Variants in AXL observed in about 807,000 individuals in gnomAD.
AXL encodes the protein AXL receptor tyrosine kinase.
A neutral mutation model predicts 104.5 loss-of-function variants in AXL; 52 were observed. The ratio of observed to expected loss-of-function variants is 0.50; its 90% CI spans 0.40 to 0.63. The LOEUF (loss-of-function observed/expected upper bound fraction) is 0.63. Among genes scored for constraint, AXL ranks in the 20% least tolerant of loss-of-function variants. The pLI, the probability that AXL is intolerant of heterozygous loss-of-function variation, is 0.00. For synonymous variants in AXL, 455 were observed against 473.7 expected, an observed-to-expected ratio of 0.96 and a Z score of 0.51; for missense variants, 1,024 against 1,188.5, an observed-to-expected ratio of 0.86 and a Z score of 2.04.
chr19:41,221,643 T>A, intron 3 of AXL: 1 of 548,940 alleles, frequency 1.8e-6, no homozygotes, highest in South Asian at 2.3e-5. Flanking sequence ...CTGTCAGACA[T>A]TCTGGAAGAG....
intron 14 of AXL, 44 bp from the exon 15 acceptor site, chr19:41,252,307 C>T (rs772763333): frequency 6.6e-7 from 1 of 1,517,874 alleles, no homozygotes; most frequent in South Asian, 1.1e-5. Flanking sequence ...GGAGAGTCCT[C>T]CCTCTCCTCC....
chr19:41,235,962 C>T (rs529844815), intron 6 of AXL, among the ~76,000 whole-genome samples: 32 of 151,418 alleles, frequency 2.1e-4, no homozygotes, highest in Non-Finnish European at 3.8e-4. Context: ...TTTGGGAGGC[C>T]GAGGCAGGTG....
rs1311581543 is a variant in AXL, at chr19:41,256,568, T to C, written c.2153T>C (p.Ile718Thr). 7 of 1,613,734 alleles carry C rather than the reference T, an allele frequency of 4.3e-6. No homozygotes were observed. Among genetic ancestry groups the C allele is most frequent in the Non-Finnish European group, 5.9e-6 (7 of 1,179,928 alleles). The change falls in exon 18 of 20, where the codon ATT becomes ACT. Residue 718 changes from isoleucine to threonine, a missense_variant. Coordinates refer to ENST00000301178, the MANE Select transcript of AXL (RefSeq NM_021913.5). ...AAGATGCCAGTCAAGTGGATTGCCATTGAGAGTCTAGCTGACCGTGTCTAC... is the reference window on the plus strand; with the variant it reads ...AAGATGCCAGTCAAGTGGATTGCCACTGAGAGTCTAGCTGACCGTGTCTAC... ...IAKMPVKWIA[I>T]ESLADRVYTS...
rs147096557 is a variant in AXL at position 41,257,683 on chromosome 19, C to T, written c.2333+54C>T. 1.3e-4 allele frequency: 206 copies of T among 1,607,672 alleles called. No individual in the cohort carries two copies. In the African/African-American group the frequency reaches 2.3e-3, roughly 18 times the overall value. On this transcript the variant is annotated intron_variant, in intron 19 of 19. Coordinates refer to ENST00000301178, the MANE Select transcript of AXL (RefSeq NM_021913.5). ...AGAATTCATTCCAAACCCCTGACTA[C>T]CCCCAGATGGCCCTCACAGGTCCAG...
At chr19:41,234,316 T>G (rs2034042984) in intron 6 of AXL, among the ~76,000 whole-genome samples, 1 of 152,134 alleles carries the variant, frequency 6.6e-6, no homozygotes, top group Non-Finnish European at 1.5e-5. Context: ...GGTACATATT[T>G]GGCACTCAAG....
In AXL at chr19:41,238,159, G is replaced by C. The variant is rs769228732; in HGVS notation, c.994+5G>C. 54 of 1,613,852 alleles carry C rather than the reference G, an allele frequency of 3.3e-5. No individual in the cohort carries two copies. The highest frequency in any genetic ancestry group is 4.3e-5 in the Non-Finnish European group (51 of 1,179,956). On this transcript the variant is annotated splice_donor_5th_base_variant and intron_variant, in intron 7 of 19. Transcript: ENST00000301178. ...CTGTGGAGACGCCGGAGGGAGGTAA[G>C]AAGGGTTGGGGAGGGACACGTCACC...
At chr19:41,240,821 T>C (rs756064778) in intron 10 of AXL, among the ~76,000 whole-genome samples, 3 of 152,022 alleles carry the variant, frequency 2.0e-5, no homozygotes, top group Non-Finnish European at 4.4e-5. Flanking sequence ...CTGAAAAACA[T>C]TGTCCACAAC....
chr19:41,227,354 C>A (rs2122211359), intron 4 of AXL, among the ~76,000 whole-genome samples: 1 of 152,246 alleles, frequency 6.6e-6, no homozygotes, highest in East Asian at 1.9e-4. Context: ...TAGATCTTAG[C>A]AACCTCAGTA....
chr19:41,236,654 G>T (rs796311708), intron 6 of AXL, among the ~76,000 whole-genome samples: 1 of 151,850 alleles, frequency 6.6e-6, no homozygotes, highest in Non-Finnish European at 1.5e-5. Context: ...GGTGGTACGC[G>T]TAGTCCCAGC....
At chr19:41,224,874 C>T (rs979663831) in intron 4 of AXL, among the ~76,000 whole-genome samples, 1 of 152,162 alleles carries the variant, frequency 6.6e-6, no homozygotes, top group Non-Finnish European at 1.5e-5. Context: ...CCTCTGAGTA[C>T]ATGACCTAAG....
At position 41,259,701 on chromosome 19, in the gene AXL, G is replaced by A. The variant is rs2122298630; in HGVS notation, c.2482G>A (p.Gly828Arg). 1 of 1,614,118 alleles carries A rather than the reference G, an allele frequency of 6.2e-7. No homozygotes were observed. Among genetic ancestry groups the A allele is most frequent in the Non-Finnish European group, 8.5e-7 (1 of 1,180,010 alleles). ...CCTCTATGTCAACATGGATGAGGGT[G>A]GAGGTTATCCTGAACCCCCTGGAGC... The part of the protein sequence containing the change: ...EILYVNMDEG[G>R]GYPEPPGAAG... Residue 828 changes from glycine to arginine, a missense_variant, in exon 20 of 20, where the codon GGA (glycine) becomes AGA (arginine). Physicochemically the swap from Gly to Arg is moderately radical, Grantham distance 125. This residue lies in a region of AXL where 523 missense variants were observed against 636.0 expected (regional missense o/e 0.82). Transcript: ENST00000301178.
intron 14 of AXL, among the ~76,000 whole-genome samples, chr19:41,249,967 C>A (rs1013521836): frequency 3.9e-5 from 6 of 152,090 alleles, no homozygotes; most frequent in Non-Finnish European, 2.9e-5. Flanking sequence ...TTTCAGGGGC[C>A]GGCCCACTGT....
At chr19:41,254,483 C>T (rs571255243) in intron 17 of AXL, among the ~76,000 whole-genome samples, 5 of 151,060 alleles carry the variant, frequency 3.3e-5, no homozygotes, top group East Asian at 1.9e-4. Flanking sequence ...GCTTGAGCCT[C>T]GAGACCAGCC....
chr19:41,253,611 C>G lies in AXL; in HGVS notation c.1939C>G (p.Gln647Glu), dbSNP rs1568418105. Residue 647 changes from glutamine to glutamate, a missense_variant, in exon 17 of 20, where the codon CAG becomes GAG. By Grantham distance (29) the Gln-to-Glu change is conservative. This residue lies in a region of AXL where 523 missense variants were observed against 636.0 expected (regional missense o/e 0.82). Coordinates refer to ENST00000301178, the MANE Select transcript of AXL (RefSeq NM_021913.5). ...CTTGGCTCCCCAGTACCTGCCCACTCAGATGCTAGTGAAGTTCATGGCAGA... is the reference window on the plus strand; with the variant it reads ...CTTGGCTCCCCAGTACCTGCCCACTGAGATGCTAGTGAAGTTCATGGCAGA... ...LGDQPVYLPT[Q>E]MLVKFMADIA... The G allele has an allele frequency of 1.2e-6, 2 of 1,613,558 alleles. No individual in the cohort carries two copies. Among genetic ancestry groups the G allele is most frequent in the Admixed American group, 1.7e-5 (1 of 59,954 alleles).
At chr19:41,229,520 C>T (rs1242457395) in intron 4 of AXL, among the ~76,000 whole-genome samples, 1 of 152,212 alleles carries the variant, frequency 6.6e-6, no homozygotes, top group Admixed American at 6.5e-5. Context: ...CTGACTCAGC[C>T]TCCCAAAGTG....
chr19:41,219,933 C>A lies in AXL; in HGVS notation c.85+456C>A, dbSNP rs1049901963. Reference sequence around the variant, plus strand: ...CCCTGACCCGCCACTTGTCCCTACCCCACCAGTCCACTCCATCTCTGGGGA... The same window carrying A: ...CCCTGACCCGCCACTTGTCCCTACCACACCAGTCCACTCCATCTCTGGGGA... On this transcript the variant is annotated intron_variant, in intron 1 of 19. Transcript: ENST00000301178. Among the ~76,000 whole-genome samples the A allele has an allele frequency of 2.6e-4, 39 of 152,046 alleles. 1 individual carries two copies. Among genetic ancestry groups the A allele is most frequent in the African/African-American group, 9.2e-4 (38 of 41,454 alleles).
chr19:41,253,857 G>C, intron 17 of AXL, 149 bp downstream of exon 17: 1 of 657,376 alleles, frequency 1.5e-6, no homozygotes, highest in East Asian at 2.7e-5. Context: ...AGGGGGTCTG[G>C]GAAGGCTTCC....
intron 4 of AXL, among the ~76,000 whole-genome samples, chr19:41,222,344 T>C (rs1388870145): frequency 6.6e-6 from 1 of 152,084 alleles, no homozygotes; most frequent in Non-Finnish European, 1.5e-5. Flanking sequence ...CTCCCTCCAT[T>C]CACCCCGGCC....
intron 7 of AXL, 38 bp downstream of exon 7, chr19:41,238,192 C>T (rs1176660689): frequency 6.2e-7 from 1 of 1,604,198 alleles, no homozygotes; most frequent in Non-Finnish European, 8.5e-7. Flanking sequence ...ACCACTGCCC[C>T]ACCGGACCTT....
Sources: gnomAD v4.1 joint callset for allele counts (sites outside exome capture counted in the v4.1 genomes callset) on GRCh38, gnomAD v4.1.1 for gene constraint, gnomAD v4.1.1 regional missense constraint, MANE v1.5 for transcripts, NCBI Gene and HGNC (gene_info 2026-07-23, HGNC 2026-07-21) for gene names.